Variants in HYKK observed in about 807,000 individuals in gnomAD.
HYKK encodes the protein 5-hydroxy-L-lysine kinase.
A neutral mutation model predicts 29.7 loss-of-function variants in HYKK; 19 were observed. That is an observed-to-expected ratio of 0.64 (90% confidence interval 0.45 to 0.94). HYKK has a LOEUF of 0.94. Ranked by LOEUF, HYKK falls within the 40% of genes least tolerant of loss-of-function variation. HYKK has a pLI of 0.00. For missense variants in HYKK, 390 were observed against 443.4 expected, an observed-to-expected ratio of 0.88 and a Z score of 1.08; for synonymous variants, 152 against 158.1, an observed-to-expected ratio of 0.96 and a Z score of 0.29.
At chr15:78,508,396 A>G (rs1439463671) in intron 1 of HYKK, among the ~76,000 whole-genome samples, 1 of 152,174 alleles carries the variant, frequency 6.6e-6, no homozygotes, top group Non-Finnish European at 1.5e-5. Context: ...GCTAAGGTAG[A>G]ATTTACTAGA....
chr15:78,515,139 G>C (rs1458207306), intron 3 of HYKK, 32 bp downstream of exon 3: 15 of 1,485,494 alleles, frequency 1.0e-5, no homozygotes, highest in Non-Finnish European at 1.4e-5. Context: ...TATTCTAAGG[G>C]ATGTTTGTTT....
chr15:78,530,196 ATTTAT>A (rs1189476573), intron 4 of HYKK, among the ~76,000 whole-genome samples: 3,260 of 65,726 alleles, frequency 0.05, 82 homozygotes, highest in African/African-American at 0.15. Flanking sequence ...ACCATTATTT[ATTTAT>A]TTTTTTTTTT....
At chr15:78,510,620 TG>T (rs1456677084) in intron 1 of HYKK, among the ~76,000 whole-genome samples, 1 of 152,148 alleles carries the variant, frequency 6.6e-6, no homozygotes, top group Admixed American at 6.6e-5. Context: ...TGGAGTTAGG[TG>T]GGTTTTTGCT....
At chr15:78,512,637 G>A (rs2052086224) in intron 1 of HYKK, among the ~76,000 whole-genome samples, 1 of 151,586 alleles carries the variant, frequency 6.6e-6, no homozygotes, top group Non-Finnish European at 1.5e-5. Context: ...CCTGACCTCA[G>A]GTGATCTGCC....
chr15:78,517,892 C>G (rs1022479236), intron 3 of HYKK, among the ~76,000 whole-genome samples: 1 of 152,220 alleles, frequency 6.6e-6, no homozygotes, highest in Non-Finnish European at 1.5e-5. Flanking sequence ...TCCCTCTAAT[C>G]TTTTCAGGTG....
chr15:78,511,406 C>A (rs532010710), intron 1 of HYKK, among the ~76,000 whole-genome samples: 1 of 152,008 alleles, frequency 6.6e-6, no homozygotes, highest in Non-Finnish European at 1.5e-5. Context: ...TCTCCTCCCC[C>A]GCCCATGTAT....
rs1024148010 is a variant in HYKK at position 78,533,883 on chromosome 15, T to G, written c.*213T>G. The G allele has an allele frequency of 3.4e-5, 19 of 566,196 alleles. No individual in the cohort carries two copies. The highest frequency in any genetic ancestry group is 2.0e-4 in the Admixed American group (6 of 29,758). The allele number at this position is 566,196 out of a possible 1,614,324, so 35.1% of individuals were successfully genotyped here. ...ACAAAAGTACCACAAGCAAGCATATTTTTCTGTGAGTCTTACTTGCCATAT... is the reference window on the plus strand; with the variant it reads ...ACAAAAGTACCACAAGCAAGCATATGTTTCTGTGAGTCTTACTTGCCATAT... On this transcript the variant is annotated 3_prime_UTR_variant, in exon 5 of 5. Transcript: ENST00000388988.
At chr15:78,532,809 A>G (rs1413900892) in intron 4 of HYKK, among the ~76,000 whole-genome samples, 1 of 151,224 alleles carries the variant, frequency 6.6e-6, no homozygotes, top group Non-Finnish European at 1.5e-5. Context: ...TAAAAATTTA[A>G]AAATAAAATA....
downstream of HYKK, among the ~76,000 whole-genome samples, chr15:78,536,882 C>T (rs2052367640): frequency 6.6e-6 from 1 of 152,170 alleles, no homozygotes; most frequent in Non-Finnish European, 1.5e-5. Context: ...GGGCACCATC[C>T]AATCTGTTGA....
Position 78,535,886 on chromosome 15 carries a change from T to G in HYKK, c.*2216T>G, listed in dbSNP as rs1256750705. On this transcript the variant is annotated 3_prime_UTR_variant, in exon 5 of 5. Coordinates refer to ENST00000388988, the MANE Select transcript of HYKK (RefSeq NM_001013619.4). Reference sequence around the variant, plus strand: ...GCATGTGCCACCATGCCCAACTAATTTATTTTATTTTGTAGAGATAGGGTC... The same window carrying G: ...GCATGTGCCACCATGCCCAACTAATGTATTTTATTTTGTAGAGATAGGGTC... 2 of 152,142 alleles carry G rather than the reference T, an allele frequency of 1.3e-5. No individual in the cohort carries two copies. Among genetic ancestry groups the G allele is most frequent in the Non-Finnish European group, 2.9e-5 (2 of 68,084 alleles). The allele number at this position is 152,142 out of a possible 1,614,324, so 9.4% of individuals were successfully genotyped here.
At chr15:78,519,254 C>A (rs914022958) in intron 3 of HYKK, among the ~76,000 whole-genome samples, 8 of 152,100 alleles carry the variant, frequency 5.3e-5, no homozygotes, top group Non-Finnish European at 8.8e-5. Flanking sequence ...TCCGTTTATT[C>A]AACAAATATT....
chr15:78,520,143 A>G (rs1038101540), intron 3 of HYKK, among the ~76,000 whole-genome samples: 6 of 152,220 alleles, frequency 3.9e-5, no homozygotes, highest in African/African-American at 1.4e-4. Flanking sequence ...TTGGCATTAC[A>G]TGCATTTTAT....
At position 78,533,582 on chromosome 15, in the gene HYKK, T is replaced by TA. The variant is rs2052333874; in HGVS notation, c.1035dup (p.Gln346ThrfsTer5). On this transcript the variant is annotated frameshift_variant, in exon 5 of 5. Coordinates refer to ENST00000388988, the MANE Select transcript of HYKK (RefSeq NM_001013619.4). LOFTEE classifies it high-confidence loss of function. Reference sequence around the variant, plus strand: ...ACTGCAAAAACCGGGTGGAAACACTTACAGCAAATGTTTGACATGGGTCAG... The same window carrying TA: ...ACTGCAAAAACCGGGTGGAAACACTTAACAGCAAATGTTTGACATGGGTCAG... 5.6e-6 allele frequency: 9 copies of TA among 1,614,192 alleles called. No individual in the cohort carries two copies. The highest frequency in any genetic ancestry group is 6.8e-6 in the Non-Finnish European group (8 of 1,180,032).
chr15:78,528,366 A>G, intron 4 of HYKK: 1 of 958,002 alleles, frequency 1.0e-6, no homozygotes, highest in Non-Finnish European at 1.2e-6. Context: ...ATTGTCTTCC[A>G]TGAAACCAGT....
chr15:78,516,320 G>A (rs897467555), intron 3 of HYKK, among the ~76,000 whole-genome samples: 5 of 151,418 alleles, frequency 3.3e-5, no homozygotes, highest in Admixed American at 2.6e-4. Context: ...GGGCTGAGGA[G>A]GAGGAAGAAG....
intron 3 of HYKK, among the ~76,000 whole-genome samples, chr15:78,523,911 C>T (rs1336789758): frequency 2.0e-5 from 3 of 152,364 alleles, no homozygotes; most frequent in African/African-American, 7.2e-5. Context: ...GGCTCCCAAG[C>T]CTGGGGTAGC....
chr15:78,513,435 G>A lies in HYKK; in HGVS notation c.337+10G>A, dbSNP rs368393422. 2.4e-4 allele frequency: 381 copies of A among 1,591,320 alleles called. No individual in the cohort carries two copies. The highest frequency in any genetic ancestry group is 2.9e-4 in the Non-Finnish European group (341 of 1,165,348). On this transcript the variant is annotated intron_variant, in intron 2 of 4. Transcript: ENST00000388988. ...TCTCTCGTGTCTGTAGGTAAGAGAT[G>A]ACCAATTCGCCGATCCATTACCTAT...
At chr15:78,514,405 G>T (rs1377337671) in intron 2 of HYKK, among the ~76,000 whole-genome samples, 1 of 152,076 alleles carries the variant, frequency 6.6e-6, no homozygotes, top group Non-Finnish European at 1.5e-5. Context: ...TTTTTTTAAA[G>T]GTTCGAAATC....
At chr15:78,511,792 G>A (rs2052076150) in intron 1 of HYKK, among the ~76,000 whole-genome samples, 1 of 152,026 alleles carries the variant, frequency 6.6e-6, no homozygotes, top group African/African-American at 2.4e-5. Context: ...CAGCACTTTG[G>A]GAGGCGTAAG....
Sources: allele counts gnomAD v4.1 joint callset (sites outside exome capture counted in the v4.1 genomes callset), GRCh38; gene constraint gnomAD v4.1.1; transcripts MANE v1.5; gene names NCBI Gene and HGNC (gene_info 2026-07-23, HGNC 2026-07-21).